The following VEPH1 variants were observed in gnomAD, a reference collection of about 807,000 sequenced individuals.
VEPH1 encodes the protein ventricular zone-expressed PH domain-containing protein homolog 1.
A neutral mutation model predicts 85.2 loss-of-function variants in VEPH1; 80 were observed. The observed-to-expected ratio is 0.94, with a 90% CI of 0.78 to 1.13. VEPH1 has a LOEUF of 1.13. Among genes scored for constraint, VEPH1 ranks in the 50% most tolerant of loss-of-function variants. VEPH1 has a pLI of 0.00. For missense variants in VEPH1, 955 were observed against 980.5 expected (o/e 0.97, Z 0.35); for synonymous variants, 297 against 348.0 (o/e 0.85, Z 1.63).
At chr3:157,307,736 G>A (rs1255959667) in intron 11 of VEPH1, among the ~76,000 whole-genome samples, 2 of 151,824 alleles carry the variant, frequency 1.3e-5, no homozygotes, top group African/African-American at 4.8e-5. Flanking sequence ...CATGAGAAAA[G>A]TCTGTTGTCA....
intron 6 of VEPH1, among the ~76,000 whole-genome samples, chr3:157,401,042 A>C (rs555468860): frequency 1.9e-4 from 29 of 152,270 alleles, no homozygotes; most frequent in South Asian, 1.0e-3. Flanking sequence ...CAATTAAACA[A>C]ACTTTTTGAA....
At chr3:157,369,180 G>GGAAAAAAAAAAAAAAAAAAAAAAAAAA (rs1553773035) in intron 7 of VEPH1, among the ~76,000 whole-genome samples, 1 of 42,780 alleles carries the variant, frequency 2.3e-5, no homozygotes, top group Admixed American at 4.9e-4. Flanking sequence ...AAAACCAAAT[G>GGAAAAAAAAAAAAAAAAAAAAAAAAAA]AAAAAAAAAA....
At chr3:157,307,450 C>CTT (rs900793129) in intron 11 of VEPH1, among the ~76,000 whole-genome samples, 3 of 151,922 alleles carry the variant, frequency 2.0e-5, no homozygotes, top group African/African-American at 7.2e-5. Context: ...TGTGAAGGAT[C>CTT]TACTTTTATC....
chr3:157,365,919 T>C (rs1726632467), intron 7 of VEPH1, among the ~76,000 whole-genome samples: 1 of 152,204 alleles, frequency 6.6e-6, no homozygotes, highest in Non-Finnish European at 1.5e-5. Flanking sequence ...ATGATTACCA[T>C]TGGCGGTTAA....
intron 4 of VEPH1, among the ~76,000 whole-genome samples, chr3:157,440,414 G>A (rs1734027117): frequency 1.3e-5 from 2 of 152,090 alleles, no homozygotes. Context: ...ATCTGACATA[G>A]TTTACCACAC....
rs1739593646 is a variant in VEPH1 at position 157,495,467 on chromosome 3, G to C, written c.-118C>G. The C allele has an allele frequency of 2.0e-6, 3 of 1,505,438 alleles. No homozygotes were observed. Among genetic ancestry groups the C allele is most frequent in the East Asian group, 4.6e-5 (2 of 43,878 alleles). 93.3% of individuals were successfully genotyped at this position (1,505,438 alleles called of 1,614,324 possible). A position where few individuals can be genotyped will look rare whatever the true frequency, so the allele number is the denominator to read the frequency against. ...AGGTATACTTCTTATTCCATGAAAG[G>C]TCATTTTTCTCCAGACTTTGAGGTC... On this transcript the variant is annotated 5_prime_UTR_variant, in exon 2 of 14. Transcript: ENST00000362010.
intron 9 of VEPH1, among the ~76,000 whole-genome samples, chr3:157,320,025 A>G (rs1228481244): frequency 1.3e-5 from 2 of 152,080 alleles, no homozygotes; most frequent in Non-Finnish European, 2.9e-5. Context: ...TCCCCATGAC[A>G]TTAAGACTTA....
chr3:157,298,949 T>C (rs1314816137), intron 11 of VEPH1, among the ~76,000 whole-genome samples: 1 of 152,184 alleles, frequency 6.6e-6, no homozygotes, highest in African/African-American at 2.4e-5. Flanking sequence ...TTTCTTGGTA[T>C]GTCTAGTATT....
chr3:157,344,484 C>A (rs1232036203), intron 9 of VEPH1, among the ~76,000 whole-genome samples: 1 of 152,100 alleles, frequency 6.6e-6, no homozygotes, highest in Non-Finnish European at 1.5e-5. Flanking sequence ...ATGTGAAGGA[C>A]CTCTTCAAGG....
intron 4 of VEPH1, among the ~76,000 whole-genome samples, chr3:157,444,097 G>A (rs1386317808): frequency 6.6e-6 from 1 of 152,128 alleles, no homozygotes; most frequent in East Asian, 1.9e-4. Context: ...CACTGTGGAT[G>A]GGGAGGTAAC....
chr3:157,314,577 A>T (rs965331895), intron 10 of VEPH1, among the ~76,000 whole-genome samples: 4 of 151,948 alleles, frequency 2.6e-5, no homozygotes, highest in African/African-American at 9.7e-5. Context: ...TTTCTCAAAG[A>T]TCTGGGAATT....
Position 157,473,615 on chromosome 3 carries a change from T to C in VEPH1, c.139-3086A>G, listed in dbSNP as rs113878080. Among the ~76,000 whole-genome samples, 1,475 of 152,260 alleles carry C rather than the reference T, an allele frequency of 9.7e-3. 22 individuals are homozygous for C. The highest frequency in any genetic ancestry group is 0.033 in the African/African-American group (1,363 of 41,552). On this transcript the variant is annotated intron_variant, in intron 2 of 13. Coordinates refer to ENST00000362010, the MANE Select transcript of VEPH1 (RefSeq NM_001167912.2). ...TAGTTTTGATTCTTGATTTTTGGCA[T>C]AAAATTTTATGGTCCAGAAAAACAA...
intron 6 of VEPH1, among the ~76,000 whole-genome samples, chr3:157,409,275 T>C (rs1731358636): frequency 6.6e-6 from 1 of 152,140 alleles, no homozygotes; most frequent in South Asian, 2.1e-4. Context: ...TTGCTGTGTT[T>C]TGGACATATT....
chr3:157,470,252 T>A lies in VEPH1; in HGVS notation c.354+62A>T, dbSNP rs1736797362. The A allele has an allele frequency of 8.1e-6, 12 of 1,482,404 alleles. No individual in the cohort carries two copies. The South Asian group carries it at 1.0e-4, about 13-fold the overall frequency. 91.8% of individuals were successfully genotyped at this position (1,482,404 alleles called of 1,614,324 possible). Reference sequence around the variant, plus strand: ...AGCATTGGCTCTTGGTTCACAGACATCACAGGTTCACCTAGGCTGCCAACT... The same window carrying A: ...AGCATTGGCTCTTGGTTCACAGACAACACAGGTTCACCTAGGCTGCCAACT... On this transcript the variant is annotated intron_variant, in intron 3 of 13. Coordinates refer to ENST00000362010, the MANE Select transcript of VEPH1 (RefSeq NM_001167912.2).
At chr3:157,500,891 C>G (rs935101191) in intron 1 of VEPH1, among the ~76,000 whole-genome samples, 2 of 152,104 alleles carry the variant, frequency 1.3e-5, no homozygotes, top group East Asian at 3.9e-4. Context: ...TAATTAGACT[C>G]CCTGAGCCTG....
chr3:157,295,097 G>GC lies in VEPH1; in HGVS notation c.2011-8424dup, dbSNP rs1717959640. The stretch of plus-strand genomic sequence containing the variant: ...CAAATTCACATTGTCAAGGTTCCTT[G>GC]CCTACAGTACAGACCCTAGGATGTG... On this transcript the variant is annotated intron_variant, in intron 11 of 13. Coordinates refer to ENST00000362010, the MANE Select transcript of VEPH1 (RefSeq NM_001167912.2). Among the ~76,000 whole-genome samples the GC allele has an allele frequency of 2.0e-5, 3 of 152,256 alleles. No individual in the cohort carries two copies. In the South Asian group the frequency reaches 6.2e-4, roughly 32 times the overall value.
intron 3 of VEPH1, among the ~76,000 whole-genome samples, chr3:157,465,545 T>C (rs191661702): frequency 6.6e-6 from 1 of 152,314 alleles, no homozygotes; most frequent in Non-Finnish European, 1.5e-5. Context: ...AAGACCACAC[T>C]ACAGGTACAG....
intron 4 of VEPH1, 151 bp downstream of exon 4, chr3:157,460,030 T>G (rs909566158): frequency 5.7e-6 from 9 of 1,567,220 alleles, no homozygotes; most frequent in Middle Eastern, 1.7e-4. Flanking sequence ...AGTAACCTTT[T>G]GCATGTTCAC....
chr3:157,452,604 T>C (rs141986496), intron 4 of VEPH1, among the ~76,000 whole-genome samples: 129 of 152,344 alleles, frequency 8.5e-4, no homozygotes, highest in African/African-American at 3.0e-3. Context: ...CCACCTTAGC[T>C]GATATTTATT....
Sources: allele counts gnomAD v4.1 joint callset (sites outside exome capture counted in the v4.1 genomes callset), GRCh38; gene constraint gnomAD v4.1.1; transcripts MANE v1.5; gene names NCBI Gene and HGNC (gene_info 2026-07-23, HGNC 2026-07-21).